The following CPNE4 variants were observed in gnomAD, a reference collection of about 807,000 sequenced individuals.
The protein encoded by CPNE4 is copine-4.
Under a neutral mutation model 67.9 loss-of-function variants are expected in CPNE4, and 25 were observed. The observed-to-expected ratio is 0.37, with a 90% confidence interval of 0.27 to 0.51. The LOEUF (loss-of-function observed/expected upper bound fraction) is 0.51. Ranked by LOEUF, CPNE4 falls within the 20% of genes least tolerant of loss-of-function variation. The pLI, the probability that CPNE4 is intolerant of heterozygous loss-of-function variation, is 0.93. For synonymous variants in CPNE4, 242 were observed against 244.9 expected, an observed-to-expected ratio of 0.99 and a Z score of 0.11; for missense variants, 464 against 690.8, an observed-to-expected ratio of 0.67 and a Z score of 3.68.
intron 10 of CPNE4, among the ~76,000 whole-genome samples, chr3:131,570,938 T>C (rs1023359552): frequency 6.6e-6 from 1 of 152,046 alleles, no homozygotes. Flanking sequence ...TTTTAATCTT[T>C]AAATTGCCAT....
At chr3:131,769,424 A>G (rs2083107974) in intron 2 of CPNE4, among the ~76,000 whole-genome samples, 1 of 152,160 alleles carries the variant, frequency 6.6e-6, no homozygotes, top group Non-Finnish European at 1.5e-5. Context: ...TTTGCAGACA[A>G]GATGGCTACC....
intron 2 of CPNE4, among the ~76,000 whole-genome samples, chr3:131,787,965 G>T (rs2083611672): frequency 1.3e-5 from 2 of 152,050 alleles, no homozygotes; most frequent in East Asian, 1.9e-4. Flanking sequence ...ATTATTGAGA[G>T]AAAAAGATTA....
chr3:131,556,800 C>A (rs1276959925), intron 11 of CPNE4, among the ~76,000 whole-genome samples: 1 of 152,116 alleles, frequency 6.6e-6, no homozygotes, highest in Non-Finnish European at 1.5e-5. Context: ...TATATTGGAT[C>A]TTAACTCTAA....
intron 2 of CPNE4, among the ~76,000 whole-genome samples, chr3:131,895,682 T>C (rs1487433474): frequency 6.6e-6 from 1 of 152,090 alleles, no homozygotes; most frequent in Non-Finnish European, 1.5e-5. Context: ...TGCATTTTGA[T>C]ATATTTTATA....
chr3:131,985,937 T>G (rs1158586393), intron 1 of CPNE4: 1 of 154,050 alleles, frequency 6.5e-6, no homozygotes, highest in African/African-American at 2.4e-5. Context: ...GATCAGACAA[T>G]AGTGACTATT....
intron 1 of CPNE4, among the ~76,000 whole-genome samples, chr3:131,986,365 G>T (rs1199487302): frequency 6.6e-6 from 1 of 152,118 alleles, no homozygotes; most frequent in Non-Finnish European, 1.5e-5. Context: ...CACACAATCT[G>T]CCCTCACAAG....
intron 8 of CPNE4, among the ~76,000 whole-genome samples, chr3:131,583,960 C>T (rs1938009698): frequency 2.0e-5 from 3 of 152,136 alleles, no homozygotes; most frequent in Admixed American, 6.6e-5. Flanking sequence ...AACCACAATG[C>T]CTTCTTCTAG....
chr3:131,824,603 CAAGT>C (rs1286371583), intron 2 of CPNE4, among the ~76,000 whole-genome samples: 2 of 152,124 alleles, frequency 1.3e-5, no homozygotes, highest in African/African-American at 4.8e-5. Context: ...CATATTTAAG[CAAGT>C]AAGCCTGTGT....
chr3:131,792,530 A>G (rs1000551922), intron 2 of CPNE4, among the ~76,000 whole-genome samples: 7 of 149,090 alleles, frequency 4.7e-5, no homozygotes, highest in Non-Finnish European at 1.0e-4. Flanking sequence ...TAAGTTCCCA[A>G]TGTGAATATC....
intron 2 of CPNE4, among the ~76,000 whole-genome samples, chr3:131,865,737 C>G (rs759427373): frequency 9.9e-5 from 15 of 152,154 alleles, no homozygotes; most frequent in African/African-American, 3.6e-4. Flanking sequence ...CAATTTAGCA[C>G]GTGTACAAGT....
At chr3:131,738,450 A>G (rs1271083326) in intron 2 of CPNE4, among the ~76,000 whole-genome samples, 3 of 124,076 alleles carry the variant, frequency 2.4e-5, no homozygotes, top group Non-Finnish European at 5.0e-5. Flanking sequence ...CCATAAAGGA[A>G]GACCTTTCAT....
chr3:131,858,669 C>A (rs1326483781), intron 2 of CPNE4, among the ~76,000 whole-genome samples: 1 of 152,098 alleles, frequency 6.6e-6, no homozygotes. Context: ...CAAATTCTTC[C>A]CAAGGTTATG....
intron 1 of CPNE4, among the ~76,000 whole-genome samples, chr3:132,026,689 A>G (rs1043101153): frequency 1.1e-4 from 17 of 152,212 alleles, no homozygotes; most frequent in Non-Finnish European, 2.2e-4. Flanking sequence ...ATATTATCTG[A>G]AATAAATTAA....
intron 1 of CPNE4, among the ~76,000 whole-genome samples, chr3:131,943,949 C>T (rs944695876): frequency 6.6e-6 from 1 of 152,136 alleles, no homozygotes; most frequent in Admixed American, 6.5e-5. Context: ...ACACATACCC[C>T]ATACCATTGT....
chr3:131,695,136 C>T (rs567133988), intron 5 of CPNE4, among the ~76,000 whole-genome samples: 2 of 152,298 alleles, frequency 1.3e-5, no homozygotes, highest in African/African-American at 4.8e-5. Context: ...CATTTAACTT[C>T]CAGTCCAAAC....
intron 1 of CPNE4, among the ~76,000 whole-genome samples, chr3:131,936,921 A>G (rs952666945): frequency 8.6e-5 from 13 of 151,840 alleles, no homozygotes; most frequent in Non-Finnish European, 1.9e-4. Flanking sequence ...AAGAGTACAT[A>G]AGACAGCACA....
At chr3:131,819,279 T>C (rs959184770) in intron 2 of CPNE4, among the ~76,000 whole-genome samples, 4 of 152,056 alleles carry the variant, frequency 2.6e-5, no homozygotes, top group African/African-American at 9.7e-5. Context: ...CAACATAATT[T>C]TCAAAATAAA....
intron 2 of CPNE4, among the ~76,000 whole-genome samples, chr3:131,900,943 A>T (rs2088530096): frequency 1.3e-5 from 2 of 152,148 alleles, no homozygotes; most frequent in South Asian, 4.1e-4. Flanking sequence ...TCCAAGAAAG[A>T]TCTCAATGAT....
At chr3:131,629,453 CT>C (rs199738886) in intron 7 of CPNE4, among the ~76,000 whole-genome samples, 6 of 151,572 alleles carry the variant, frequency 4.0e-5, no homozygotes, top group Non-Finnish European at 5.9e-5. Flanking sequence ...GTAAACATAA[CT>C]TTTTTTTGAC....
Sources: allele counts gnomAD v4.1 joint callset (sites outside exome capture counted in the v4.1 genomes callset), GRCh38; gene constraint gnomAD v4.1.1; transcripts MANE v1.5; gene names NCBI Gene and HGNC (gene_info 2026-07-23, HGNC 2026-07-21).